STK32B: variants seen among roughly 807,000 people sequenced by gnomAD.
The protein encoded by STK32B is serine/threonine-protein kinase 32B.
A neutral mutation model predicts 52.6 loss-of-function variants in STK32B; 43 were observed. The observed-to-expected ratio is 0.82, with a 90% CI of 0.64 to 1.05. The LOEUF is 1.05. Ranked by LOEUF, STK32B falls within the 50% of genes least tolerant of loss-of-function variation. STK32B has a pLI of 0.00. For synonymous variants in STK32B, 238 were observed against 204.3 expected, an observed-to-expected ratio of 1.17 and a Z score of -1.41; for missense variants, 621 against 534.6, an observed-to-expected ratio of 1.16 and a Z score of -1.59.
intron 1 of STK32B, among the ~76,000 whole-genome samples, chr4:5,086,830 G>A (rs1331465674): frequency 6.6e-6 from 1 of 152,146 alleles, no homozygotes; most frequent in East Asian, 1.9e-4. Context: ...ATCAAGAATT[G>A]TATATCTGAA....
chr4:5,445,851 A>C (rs959601470), intron 6 of STK32B, among the ~76,000 whole-genome samples: 5 of 152,000 alleles, frequency 3.3e-5, no homozygotes, highest in African/African-American at 1.2e-4. Context: ...GCCCCTAGCA[A>C]CTTCCAATCT....
rs1731113569 is a variant in STK32B, at chr4:5,317,320, A to AATATATAATATATAACATATATATTAT, written c.261-13893_261-13892insATATATAACATATATATTATATATATA. Among the ~76,000 whole-genome samples, 5 of 43,512 alleles carry AATATATAATATATAACATATATATTAT rather than the reference A, an allele frequency of 1.1e-4. 1 individual carries two copies. Among genetic ancestry groups the AATATATAATATATAACATATATATTAT allele is most frequent in the African/African-American group, 9.3e-4 (5 of 5,396 alleles). 28.5% of individuals were successfully genotyped at this position (43,512 alleles called of 152,430 possible). A position where few individuals can be genotyped will look rare whatever the true frequency, so the allele number is the denominator to read the frequency against. On this transcript the variant is annotated intron_variant, in intron 3 of 11. Transcript: ENST00000282908. The stretch of plus-strand genomic sequence containing the variant: ...AATATATAATATATAACATATGTAT[A>AATATATAATATATAACATATATATTAT]ATATATATTACATATATAATACATA...
In STK32B at chr4:5,378,330, C is replaced by G. The variant is rs1735710862; in HGVS notation, c.435-19877C>G. Among the ~76,000 whole-genome samples, 1 of 152,204 alleles carries G rather than the reference C, an allele frequency of 6.6e-6. No homozygotes were observed. Among genetic ancestry groups the G allele is most frequent in the Admixed American group, 6.5e-5 (1 of 15,278 alleles). Reference sequence around the variant, plus strand: ...CACACTTGAGGCTGCAGATCCATCACTTGGATCTGCAAAAGGCAGACCAGT... The same window carrying G: ...CACACTTGAGGCTGCAGATCCATCAGTTGGATCTGCAAAAGGCAGACCAGT... On this transcript the variant is annotated intron_variant, in intron 4 of 11. Coordinates refer to ENST00000282908, the MANE Select transcript of STK32B (RefSeq NM_018401.3). This position sits in a 1 kb window ranked among gnomAD's most constrained non-coding sequence, Gnocchi z 4.4.
At chr4:5,157,026 C>G (rs1371730788) in intron 2 of STK32B, among the ~76,000 whole-genome samples, 3 of 152,076 alleles carry the variant, frequency 2.0e-5, no homozygotes, top group Non-Finnish European at 4.4e-5. Flanking sequence ...GCAGACTAAC[C>G]AATTTAGTGC....
intron 2 of STK32B, among the ~76,000 whole-genome samples, chr4:5,143,700 CA>C (rs550104880): frequency 9.3e-4 from 141 of 152,266 alleles, no homozygotes; most frequent in Middle Eastern, 3.4e-3. Context: ...CTCTGCCTGG[CA>C]CTCACACTAT....
At chr4:5,204,586 T>C (rs954584717) in intron 3 of STK32B, among the ~76,000 whole-genome samples, 4 of 151,962 alleles carry the variant, frequency 2.6e-5, no homozygotes, top group Admixed American at 2.0e-4. Context: ...TCTTCTGCCT[T>C]AGCCTCCTGA....
At chr4:5,035,200 A>G in the STK32B span, among the ~76,000 whole-genome samples, 1 of 152,110 alleles carries the variant, frequency 6.6e-6, no homozygotes, top group Non-Finnish European at 1.5e-5. Flanking sequence ...TTTCCTTTTC[A>G]TTTTATCCCC....
chr4:5,374,591 C>G (rs1735459778), intron 4 of STK32B, among the ~76,000 whole-genome samples: 1 of 152,170 alleles, frequency 6.6e-6, no homozygotes, highest in South Asian at 2.1e-4. Context: ...GGCCTGCTCC[C>G]CATAGAAGAT....
Position 5,193,986 on chromosome 4 carries a change from C to T in STK32B, c.260+25536C>T, listed in dbSNP as rs146108281. Among the ~76,000 whole-genome samples, 682 of 152,288 alleles carry T rather than the reference C, an allele frequency of 4.5e-3. 6 individuals are homozygous for T. Among genetic ancestry groups the T allele is most frequent in the Middle Eastern group, 0.024 (7 of 294 alleles). ...ATGCTCCTGCACCTCTCAGGCTTGG[C>T]TTTGCACATGTTCTATCTGAGCATT... On this transcript the variant is annotated intron_variant, in intron 3 of 11. Coordinates refer to ENST00000282908, the MANE Select transcript of STK32B (RefSeq NM_018401.3).
chr4:5,459,295 A>AGG (rs1253686792), intron 8 of STK32B, among the ~76,000 whole-genome samples: 1 of 128,248 alleles, frequency 7.8e-6, no homozygotes, highest in Admixed American at 8.5e-5. Flanking sequence ...CCCCCCCCCC[A>AGG]CCTTTCTAAG....
At chr4:5,067,770 C>T (rs935661833) in intron 1 of STK32B, among the ~76,000 whole-genome samples, 7 of 152,020 alleles carry the variant, frequency 4.6e-5, no homozygotes, top group African/African-American at 1.7e-4. Flanking sequence ...GCAGGCTGTA[C>T]AGGAAGCATG....
Position 5,467,636 on chromosome 4 carries a change from C to A in STK32B, c.1042-370C>A, listed in dbSNP as rs187301285. Among the ~76,000 whole-genome samples, 24 of 152,164 alleles carry A rather than the reference C, an allele frequency of 1.6e-4. No homozygotes were observed. The highest frequency in any genetic ancestry group is 1.5e-3 in the Admixed American group (23 of 15,296). ...AGAGGACACAATTCAACACACAACA[C>A]CCCCCTCCCCTATGCAAGTGGAGCC... On this transcript the variant is annotated intron_variant, in intron 10 of 11. Coordinates refer to ENST00000282908, the MANE Select transcript of STK32B (RefSeq NM_018401.3). The surrounding 1 kb of genome is among the most constrained non-coding windows in gnomAD (Gnocchi z 5.8).
At chr4:5,367,266 G>A (rs1734937719) in intron 4 of STK32B, among the ~76,000 whole-genome samples, 1 of 152,256 alleles carries the variant, frequency 6.6e-6, no homozygotes, top group South Asian at 2.1e-4. Flanking sequence ...GGCAGCTCCA[G>A]GATAGTTCTT....
intron 3 of STK32B, among the ~76,000 whole-genome samples, chr4:5,274,637 A>G (rs906144487): frequency 5.9e-5 from 9 of 152,306 alleles, no homozygotes; most frequent in South Asian, 2.1e-4. Context: ...AGGGACAAGG[A>G]TCAGCATATA....
At chr4:5,480,934 A>G (rs965397257) in intron 11 of STK32B, among the ~76,000 whole-genome samples, 3 of 152,150 alleles carry the variant, frequency 2.0e-5, no homozygotes, top group African/African-American at 7.2e-5. Flanking sequence ...ATGGCTGCAT[A>G]GTATTCTATG....
At chr4:5,049,621 G>A (rs1741685558), upstream of STK32B, among the ~76,000 whole-genome samples, 1 of 152,192 alleles carries the variant, frequency 6.6e-6, no homozygotes. Context: ...CATCAGTTAA[G>A]GCAGGAACAG....
At chr4:5,294,788 G>T (rs778786473) in intron 3 of STK32B, among the ~76,000 whole-genome samples, 29 of 152,060 alleles carry the variant, frequency 1.9e-4, no homozygotes, top group Non-Finnish European at 2.9e-4. Flanking sequence ...TGATTGCCCT[G>T]GCCAGAACTT....
chr4:5,400,955 G>T lies in STK32B; in HGVS notation c.472+2711G>T, dbSNP rs1226261327. ...AGGAGAGGTCGGGCAGAGGGGAGAG[G>T]GAAAGGTGTGTGCGGGGTTGTCTTA... On this transcript the variant is annotated intron_variant, in intron 5 of 11. Coordinates refer to ENST00000282908, the MANE Select transcript of STK32B (RefSeq NM_018401.3). This position sits in a 1 kb window ranked among gnomAD's most constrained non-coding sequence, Gnocchi z 6.1. Among the ~76,000 whole-genome samples the T allele has an allele frequency of 6.6e-6, 1 of 152,100 alleles. No homozygotes were observed. Among genetic ancestry groups the T allele is most frequent in the Non-Finnish European group, 1.5e-5 (1 of 68,020 alleles).
chr4:5,331,552 A>G (rs1296061423), intron 4 of STK32B, among the ~76,000 whole-genome samples, 159 bp downstream of exon 4: 2 of 152,024 alleles, frequency 1.3e-5, no homozygotes, highest in Non-Finnish European at 2.9e-5. Flanking sequence ...CTATTTTTTT[A>G]TGTTTTCTAC....
Sources: gnomAD v4.1 joint callset for allele counts (sites outside exome capture counted in the v4.1 genomes callset) on GRCh38, gnomAD v4.1.1 for gene constraint, Gnocchi (gnomAD v3.1) non-coding constraint, MANE v1.5 for transcripts, NCBI Gene and HGNC (gene_info 2026-07-23, HGNC 2026-07-21) for gene names.